ZCCHC4: variants seen among roughly 807,000 people sequenced by gnomAD.
ZCCHC4 encodes the protein rRNA N(6)-adenosine-methyltransferase ZCCHC4.
A neutral mutation model predicts 67.7 loss-of-function variants in ZCCHC4; 54 were observed. The observed-to-expected ratio is 0.80, with a 90% CI of 0.64 to 1.00. The LOEUF (loss-of-function observed/expected upper bound fraction) is 1.00, where lower values mean the gene tolerates loss of function less well. ZCCHC4 is among the 50% of genes least tolerant of loss of function. The pLI is 0.00. For missense variants in ZCCHC4, 609 were observed against 617.0 expected, an observed-to-expected ratio of 0.99 and a Z score of 0.14; for synonymous variants, 198 against 213.5, an observed-to-expected ratio of 0.93 and a Z score of 0.63.
chr4:25,320,555 C>T (rs950009731), intron 3 of ZCCHC4, among the ~76,000 whole-genome samples: 1 of 152,168 alleles, frequency 6.6e-6, no homozygotes, highest in Non-Finnish European at 1.5e-5. Context: ...ATTTCTCTCC[C>T]CCTGGGGAAT....
chr4:25,339,922 T>G (rs575009113), intron 5 of ZCCHC4, among the ~76,000 whole-genome samples: 40 of 151,472 alleles, frequency 2.6e-4, no homozygotes, highest in South Asian at 1.0e-3. Flanking sequence ...CAGGCTGGAG[T>G]GCAGTGGCAC....
intron 3 of ZCCHC4, among the ~76,000 whole-genome samples, chr4:25,317,704 C>CAAAAAAAAAAAAAAAAA (rs778867924): frequency 9.7e-5 from 7 of 72,354 alleles, no homozygotes; most frequent in Non-Finnish European, 1.3e-4. Context: ...GACGCTGTCA[C>CAAAAAAAAAAAAAAAAA]AAAAAAAAAA....
chr4:25,348,379 A>C (rs1720124713), intron 6 of ZCCHC4, among the ~76,000 whole-genome samples: 1 of 152,196 alleles, frequency 6.6e-6, no homozygotes, highest in East Asian at 1.9e-4. Flanking sequence ...TTAAAATCTC[A>C]TGTCATTTTG....
intron 12 of ZCCHC4, chr4:25,365,850 A>G (rs1337274812): frequency 8.1e-6 from 8 of 985,236 alleles, no homozygotes; most frequent in Non-Finnish European, 9.6e-6. Context: ...TTGCTATTTT[A>G]ACCGAGCTAA....
At chr4:25,323,702 T>G (rs568772053) in intron 3 of ZCCHC4, among the ~76,000 whole-genome samples, 171 of 152,330 alleles carry the variant, frequency 1.1e-3, no homozygotes, top group African/African-American at 4.0e-3. Context: ...GGATCATTAG[T>G]GGAAAATTCA....
chr4:25,327,899 C>G lies in ZCCHC4; in HGVS notation c.330-5284C>G, dbSNP rs141500539. Among the ~76,000 whole-genome samples, 243 of 152,272 alleles carry G rather than the reference C, an allele frequency of 1.6e-3. 1 individual carries two copies. Among genetic ancestry groups the G allele is most frequent in the African/African-American group, 5.5e-3 (230 of 41,552 alleles). ...TAATATGAATTACATTGATTGAATT[C>G]AAACTTTTAAACAACCTTGCTTTGC... On this transcript the variant is annotated intron_variant, in intron 3 of 12. Coordinates refer to ENST00000302874, the MANE Select transcript of ZCCHC4 (RefSeq NM_024936.3).
At chr4:25,365,356 T>C in intron 12 of ZCCHC4, 190 bp downstream of exon 12, 2 of 1,394,956 alleles carry the variant, frequency 1.4e-6, no homozygotes, top group Non-Finnish European at 1.9e-6. Context: ...TTCAAAGAGC[T>C]TACAGTTCTA....
At position 25,369,047 on chromosome 4, in the gene ZCCHC4, G is replaced by A. The variant is rs61744830; in HGVS notation, c.1425G>A (p.Lys475=). ...TTTCCAGAGCTGTCAGAAAGCAGAA[G>A]CAAAGAAAAAGTAATAAGATGAAAA... The part of the protein sequence containing the change: ...KRANKAVRKQ[K]QRKSNKMKME... The change falls in exon 13 of 13, where the codon AAG becomes AAA. Residue 475 remains lysine, a synonymous_variant. Coordinates refer to ENST00000302874, the MANE Select transcript of ZCCHC4 (RefSeq NM_024936.3). 6.2e-7 allele frequency: 1 copy of A among 1,611,108 alleles called. No homozygotes were observed. Among genetic ancestry groups the A allele is most frequent in the Non-Finnish European group, 8.5e-7 (1 of 1,179,384 alleles).
chr4:25,350,557 G>C (rs1388322552), intron 7 of ZCCHC4, among the ~76,000 whole-genome samples: 1 of 151,960 alleles, frequency 6.6e-6, no homozygotes, highest in Non-Finnish European at 1.5e-5. Flanking sequence ...CGTGACTTAG[G>C]ACTTCAAAGT....
intron 3 of ZCCHC4, among the ~76,000 whole-genome samples, chr4:25,321,954 C>T (rs1262061966): frequency 6.6e-6 from 1 of 152,196 alleles, no homozygotes; most frequent in Non-Finnish European, 1.5e-5. Context: ...CAGCCATGCA[C>T]AACACTTGCC....
chr4:25,357,611 C>G (rs1720566831), intron 8 of ZCCHC4, among the ~76,000 whole-genome samples: 2 of 152,226 alleles, frequency 1.3e-5, no homozygotes, highest in South Asian at 2.1e-4. Context: ...TTAAAGGCCT[C>G]TCTTTCCCTT....
At chr4:25,330,766 A>G (rs1216834843) in intron 3 of ZCCHC4, among the ~76,000 whole-genome samples, 1 of 152,084 alleles carries the variant, frequency 6.6e-6, no homozygotes, top group Non-Finnish European at 1.5e-5. Flanking sequence ...ATTGTGAGGC[A>G]TTTCCACTCT....
At chr4:25,324,238 A>G (rs952698274) in intron 3 of ZCCHC4, among the ~76,000 whole-genome samples, 1 of 150,502 alleles carries the variant, frequency 6.6e-6, no homozygotes. Context: ...GATGGTCTCT[A>G]TCTCCTGACC....
Position 25,319,165 on chromosome 4 carries a change from C to T in ZCCHC4, c.329+3765C>T, listed in dbSNP as rs187158625. Among the ~76,000 whole-genome samples the T allele has an allele frequency of 3.2e-3, 491 of 152,164 alleles. 1 individual carries two copies. Among genetic ancestry groups the T allele is most frequent in the African/African-American group, 0.011 (472 of 41,516 alleles). On this transcript the variant is annotated intron_variant, in intron 3 of 12. Coordinates refer to ENST00000302874, the MANE Select transcript of ZCCHC4 (RefSeq NM_024936.3). Reference sequence around the variant, plus strand: ...TTGGGAGGCCTAGGCGGGTGGATCACGAGGTCAGGAGATCGAGACCATCCT... The same window carrying T: ...TTGGGAGGCCTAGGCGGGTGGATCATGAGGTCAGGAGATCGAGACCATCCT...
chr4:25,325,033 G>A (rs1174481071), intron 3 of ZCCHC4, among the ~76,000 whole-genome samples: 1 of 151,706 alleles, frequency 6.6e-6, no homozygotes, highest in East Asian at 1.9e-4. Flanking sequence ...CACGAGGTCA[G>A]GAGATCGAGA....
At chr4:25,366,744 C>T (rs2109096857) in intron 12 of ZCCHC4, among the ~76,000 whole-genome samples, 1 of 152,330 alleles carries the variant, frequency 6.6e-6, no homozygotes, top group South Asian at 2.1e-4. Context: ...GTAACGTGCT[C>T]AGCCTTTAAT....
intron 3 of ZCCHC4, among the ~76,000 whole-genome samples, chr4:25,330,654 C>T (rs140333465): frequency 6.6e-6 from 1 of 152,172 alleles, no homozygotes; most frequent in African/African-American, 2.4e-5. Flanking sequence ...GAAGACTTGT[C>T]TTTAAGCTTT....
intron 9 of ZCCHC4, 58 bp from the exon 10 acceptor site, chr4:25,362,168 A>G (rs548798460): frequency 1.3e-6 from 2 of 1,516,918 alleles, no homozygotes; most frequent in South Asian, 2.4e-5. Flanking sequence ...GTAAAGTTTT[A>G]TCTACTCTGT....
chr4:25,366,462 C>T (rs569208987), intron 12 of ZCCHC4: 10 of 197,574 alleles, frequency 5.1e-5, no homozygotes, highest in Non-Finnish European at 8.2e-5. Context: ...ACTACAGGCG[C>T]CTGCCACCAT....
Sources: gnomAD v4.1 joint callset for allele counts (sites outside exome capture counted in the v4.1 genomes callset) on GRCh38, gnomAD v4.1.1 for gene constraint, MANE v1.5 for transcripts, NCBI Gene and HGNC (gene_info 2026-07-23, HGNC 2026-07-21) for gene names.